FAM161A: variants seen among roughly 807,000 people sequenced by gnomAD.
The protein encoded by FAM161A is FAM161 centrosomal protein A, also known as protein FAM161A.
FAM161A carries 57 observed loss-of-function variants against 70.9 expected under a neutral mutation model. The observed-to-expected ratio is 0.80, with a 90% CI of 0.65 to 1.00. FAM161A has a LOEUF of 1.00. FAM161A is among the 50% of genes least tolerant of loss of function. FAM161A has a pLI of 0.00. For synonymous variants in FAM161A, 299 were observed against 295.7 expected, an observed-to-expected ratio of 1.01 and a Z score of -0.12; for missense variants, 880 against 836.0, an observed-to-expected ratio of 1.05 and a Z score of -0.65.
chr2:61,809,634 C>G, the FAM161A span, among the ~76,000 whole-genome samples: 2 of 152,280 alleles, frequency 1.3e-5, no homozygotes, highest in African/African-American at 4.8e-5. Flanking sequence ...AGGTTGTTTG[C>G]AAAGATGGCC....
intron 5 of FAM161A, among the ~76,000 whole-genome samples, chr2:61,835,291 C>T (rs1223079931): frequency 6.6e-6 from 1 of 152,182 alleles, no homozygotes; most frequent in African/African-American, 2.4e-5. Flanking sequence ...GATGCCTCCC[C>T]TATGGGACAA....
intron 4 of FAM161A, 42 bp from the exon 5 acceptor site, chr2:61,836,151 A>C (rs1330923463): frequency 4.4e-6 from 6 of 1,353,750 alleles, no homozygotes; most frequent in Non-Finnish European, 6.3e-6. Flanking sequence ...AAGATCATCT[A>C]AGAAATAAGA....
chr2:61,841,167 A>G (rs1013078824), intron 2 of FAM161A, among the ~76,000 whole-genome samples: 5 of 152,094 alleles, frequency 3.3e-5, no homozygotes, highest in African/African-American at 1.2e-4. Context: ...CACTGTCCTG[A>G]AGCATAGATC....
rs749895608 is a variant in FAM161A, at chr2:61,853,992, G to A, written c.50C>T (p.Thr17Ile). The A allele has an allele frequency of 2.5e-6, 4 of 1,613,554 alleles. No individual in the cohort carries two copies. The highest frequency in any genetic ancestry group is 4.5e-5 in the East Asian group (2 of 44,882). Residue 17 changes from threonine (T) to isoleucine (I), a missense_variant, in exon 1 of 7, where the codon ACC becomes ATC. Physicochemically the swap from Thr to Ile is moderately conservative, Grantham distance 89. Coordinates refer to ENST00000404929, the MANE Select transcript of FAM161A (RefSeq NM_001201543.2). Reference sequence around the variant, plus strand: ...CGCTCCAGTGATGGGATTTACCGGGGTCTGGAGACTGGAGGCCACCAGCTT... The same window carrying A: ...CGCTCCAGTGATGGGATTTACCGGGATCTGGAGACTGGAGGCCACCAGCTT... Reference protein sequence around the residue: ...VAKLVASSLQTPVNPITGARV... With the variant: ...VAKLVASSLQIPVNPITGARV...
downstream of FAM161A, among the ~76,000 whole-genome samples, chr2:61,823,944 T>C (rs1314472964): frequency 1.3e-5 from 2 of 152,190 alleles, no homozygotes; most frequent in Admixed American, 6.5e-5. Flanking sequence ...GAAAACATGT[T>C]TGATTTAACC....
the FAM161A span, among the ~76,000 whole-genome samples, chr2:61,812,016 G>A: frequency 6.6e-6 from 1 of 152,068 alleles, no homozygotes; most frequent in Admixed American, 6.6e-5. Context: ...CCAGGCCCAG[G>A]GTACGTTCTG....
downstream of FAM161A, among the ~76,000 whole-genome samples, chr2:61,823,899 T>C (rs559755703): frequency 4.6e-5 from 7 of 152,324 alleles, no homozygotes; most frequent in South Asian, 1.4e-3. Context: ...ATTCAGATGA[T>C]ACAAATGTAA....
chr2:61,846,987 A>G, intron 1 of FAM161A: 1 of 382,890 alleles, frequency 2.6e-6, no homozygotes, highest in Non-Finnish European at 5.0e-6. Flanking sequence ...AACATGGTGA[A>G]ACCCCATCTC....
chr2:61,840,776 G>A (rs1337382895), intron 2 of FAM161A, among the ~76,000 whole-genome samples, 195 bp from the exon 3 acceptor site: 6 of 152,016 alleles, frequency 3.9e-5, no homozygotes, highest in Non-Finnish European at 7.4e-5. Flanking sequence ...TCAGCCTCCC[G>A]AGTAGCTGGG....
downstream of FAM161A, among the ~76,000 whole-genome samples, chr2:61,819,896 C>A (rs1402073715): frequency 1.3e-5 from 2 of 152,050 alleles, no homozygotes; most frequent in Admixed American, 1.3e-4. Flanking sequence ...GAGAAAGGCT[C>A]ATTTATGATT....
At chr2:61,836,301 T>A in intron 4 of FAM161A, 192 bp from the exon 5 acceptor site, 1 of 544,492 alleles carries the variant, frequency 1.8e-6, no homozygotes, top group Non-Finnish European at 3.3e-6. Flanking sequence ...ACCGGTTAAT[T>A]CTCATGGAAT....
chr2:61,841,041 C>A (rs188618108), intron 2 of FAM161A, among the ~76,000 whole-genome samples: 1 of 152,346 alleles, frequency 6.6e-6, no homozygotes, highest in East Asian at 1.9e-4. Context: ...TGGAATAGAG[C>A]TGGGCAATGC....
At chr2:61,831,530 A>C (rs940421717) in intron 5 of FAM161A, among the ~76,000 whole-genome samples, 1 of 152,200 alleles carries the variant, frequency 6.6e-6, no homozygotes, top group Admixed American at 6.5e-5. Flanking sequence ...TAAGGGTCTC[A>C]AGGGATTTTC....
At chr2:61,806,605 GTAAT>G in the FAM161A span, among the ~76,000 whole-genome samples, 8 of 144,574 alleles carry the variant, frequency 5.5e-5, no homozygotes, top group African/African-American at 2.0e-4. Context: ...GATTTAATGA[GTAAT>G]TGATATTAAA....
chr2:61,848,311 C>T lies in FAM161A; in HGVS notation c.183+5548G>A, dbSNP rs187091561. On this transcript the variant is annotated intron_variant, in intron 1 of 6. Transcript: ENST00000404929. ...TCTGTTTTCAGCTTAATACTGTTAACGCTAGCTGAAACTTTTCAGATAAAC... is the reference window on the plus strand; with the variant it reads ...TCTGTTTTCAGCTTAATACTGTTAATGCTAGCTGAAACTTTTCAGATAAAC... Among the ~76,000 whole-genome samples the T allele has an allele frequency of 1.6e-3, 236 of 152,244 alleles. 5 individuals carry two copies. The highest frequency in any genetic ancestry group is 0.013 in the Admixed American group (204 of 15,288).
At chr2:61,840,745 G>C (rs1807820) in intron 2 of FAM161A, among the ~76,000 whole-genome samples, 164 bp from the exon 3 acceptor site, 55,521 of 151,884 alleles carry the variant, frequency 0.37, 10,893 homozygotes, top group East Asian at 0.7. Flanking sequence ...CCACCTCCCA[G>C]GTTCAAGCAA....
intron 5 of FAM161A, among the ~76,000 whole-genome samples, chr2:61,828,698 T>C (rs1672466645): frequency 6.6e-6 from 1 of 152,322 alleles, no homozygotes; most frequent in Admixed American, 6.5e-5. Context: ...CCATTAAAGA[T>C]GATAAAAGCA....
Position 61,853,883 on chromosome 2 carries a change from T to C in FAM161A, c.159A>G (p.Lys53=), listed in dbSNP as rs1184952883. Residue 53 remains lysine, a synonymous_variant, in exon 1 of 7, where the codon AAA becomes AAG. Transcript: ENST00000404929. ...EAILEDEEEE[K]VAQPAGASAD... ...CCGATGCCCCAGCGGGCTGAGCCAC[T>C]TTCTCCTCCTCTTCGTCCTCCAAGA... 8.7e-6 allele frequency: 14 copies of C among 1,613,782 alleles called. No homozygotes were observed. Among genetic ancestry groups the C allele is most frequent in the African/African-American group, 1.3e-5 (1 of 74,926 alleles).
chr2:61,854,019 G>T lies in FAM161A; in HGVS notation c.23C>A (p.Ala8Glu), dbSNP rs1275339010. The change falls in exon 1 of 7, where the codon GCG becomes GAG. Residue 8 changes from alanine (A) to glutamate (E), a missense_variant. By Grantham distance (107) the Ala-to-Glu change is moderately radical (BLOSUM62 -1). Coordinates refer to ENST00000404929, the MANE Select transcript of FAM161A (RefSeq NM_001201543.2). Reference protein sequence around the residue: MATSHRVAKLVASSLQTP... With the variant: MATSHRVEKLVASSLQTP... ...CTGGAGACTGGAGGCCACCAGCTTC[G>T]CCACTCGGTGGGAGGTGGCCATCGC... The T allele has an allele frequency of 3.1e-6, 5 of 1,611,152 alleles. No homozygotes were observed. The highest frequency in any genetic ancestry group is 4.2e-6 in the Non-Finnish European group (5 of 1,178,808).
Sources: gnomAD v4.1 joint callset for allele counts (sites outside exome capture counted in the v4.1 genomes callset) on GRCh38, gnomAD v4.1.1 for gene constraint, MANE v1.5 for transcripts, NCBI Gene and HGNC (gene_info 2026-07-23, HGNC 2026-07-21) for gene names.